The following DDX60L variants were observed in gnomAD, a reference collection of about 807,000 sequenced individuals.
DDX60L encodes DExD/H-box 60 like, also known as probable ATP-dependent RNA helicase DDX60-like.
In DDX60L, 191 loss-of-function variants were observed where a neutral mutation model predicts 211.6. That is an observed-to-expected ratio of 0.90 (90% CI 0.80 to 1.02). The LOEUF (loss-of-function observed/expected upper bound fraction) is 1.02. DDX60L is among the 50% of genes least tolerant of loss of function. The pLI, the probability that DDX60L is intolerant of heterozygous loss-of-function variation, is 0.00. For missense variants in DDX60L, 2,007 were observed against 1,984.1 expected, an observed-to-expected ratio of 1.01 and a Z score of -0.22; for synonymous variants, 706 against 694.1, an observed-to-expected ratio of 1.02 and a Z score of -0.27.
In DDX60L at chr4:168,400,939, C is replaced by A. The variant is rs369404080; in HGVS notation, c.3378G>T (p.Val1126=). 2 of 1,613,730 alleles carry A rather than the reference C, an allele frequency of 1.2e-6. No homozygotes were observed. The highest frequency in any genetic ancestry group is 1.7e-6 in the Non-Finnish European group (2 of 1,179,736). ...NDDVGKRAGS[V]CTFLEKTETK... Reference sequence around the variant, plus strand: ...TCTCTGTCTTCTCCAGAAAAGTGCACACACTTCCAGCTCTTTTTCCCACAT... The same window carrying A: ...TCTCTGTCTTCTCCAGAAAAGTGCAAACACTTCCAGCTCTTTTTCCCACAT... The change falls in exon 26 of 38, where the codon GTG becomes GTT. Residue 1126 remains valine, a synonymous_variant. Transcript: ENST00000682922.
At chr4:168,414,002 A>G (rs867434154) in intron 22 of DDX60L, among the ~76,000 whole-genome samples, 8 of 152,320 alleles carry the variant, frequency 5.3e-5, no homozygotes, top group Admixed American at 6.5e-5. Context: ...AAAGAAACAA[A>G]TAACACAATG....
intron 29 of DDX60L, among the ~76,000 whole-genome samples, chr4:168,390,694 A>G (rs1744652532): frequency 6.6e-6 from 1 of 151,990 alleles, no homozygotes; most frequent in Non-Finnish European, 1.5e-5. Flanking sequence ...TTTGACTTAC[A>G]ATATATATCA....
At position 168,432,506 on chromosome 4, in the gene DDX60L, C is replaced by T; in HGVS notation, c.1465G>A (p.Ala489Thr). 6.3e-7 allele frequency: 1 copy of T among 1,586,882 alleles called. No homozygotes were observed. Among genetic ancestry groups the T allele is most frequent in the Admixed American group, 1.7e-5 (1 of 57,738 alleles). ...KTSDELLHWH[A>T]QRLLSDDYDR... ...TAGTCGTCACTAAGGAGTCTTTGAG[C>T]ATGCCAGTGCAAAAGTTCATCAGAT... The change falls in exon 12 of 38, where the codon GCT becomes ACT. Residue 489 changes from alanine to threonine, a missense_variant. Transcript: ENST00000682922.
At chr4:168,458,427 G>A (rs1364023944) in intron 5 of DDX60L, among the ~76,000 whole-genome samples, 1 of 152,138 alleles carries the variant, frequency 6.6e-6, no homozygotes, top group Admixed American at 6.6e-5. Context: ...TCATAGATTG[G>A]ATAAAGAAAA....
intron 30 of DDX60L, among the ~76,000 whole-genome samples, chr4:168,382,906 C>A (rs948967118): frequency 6.6e-6 from 1 of 152,098 alleles, no homozygotes; most frequent in Admixed American, 6.6e-5. Flanking sequence ...AGACTACAAA[C>A]AATAATAGCT....
At chr4:168,375,677 T>C (rs558004252) in intron 33 of DDX60L, among the ~76,000 whole-genome samples, 153 bp from the exon 34 acceptor site, 81 of 152,334 alleles carry the variant, frequency 5.3e-4, no homozygotes, top group African/African-American at 1.7e-3. Context: ...AGGTAAAATT[T>C]CCTTTTGATT....
chr4:168,429,558 A>C (rs1356286346), intron 13 of DDX60L, among the ~76,000 whole-genome samples: 2 of 152,272 alleles, frequency 1.3e-5, no homozygotes, highest in Non-Finnish European at 2.9e-5. Flanking sequence ...ATTCTAAAAA[A>C]GATAGAATAC....
At chr4:168,384,898 TCCGGGA>T in intron 29 of DDX60L, 86 bp from the exon 30 acceptor site, 1 of 1,314,020 alleles carries the variant, frequency 7.6e-7, no homozygotes, top group Non-Finnish European at 1.1e-6. Flanking sequence ...ACACTTGTTA[TCCGGGA>T]TTGTGTTAAA....
chr4:168,420,613 TACACACACACAC>T (rs200084305), intron 17 of DDX60L, among the ~76,000 whole-genome samples: 1 of 112,204 alleles, frequency 8.9e-6, no homozygotes, highest in Non-Finnish European at 1.8e-5. Flanking sequence ...CACACACACA[TACACACACACAC>T]ACACACACAC....
chr4:168,369,667 T>C (rs1416502900), intron 36 of DDX60L, among the ~76,000 whole-genome samples: 1 of 150,354 alleles, frequency 6.7e-6, no homozygotes, highest in East Asian at 2.0e-4. Flanking sequence ...GGGAGAAAAA[T>C]ATCGACACAC....
At chr4:168,406,200 G>T in intron 23 of DDX60L, 122 bp from the exon 24 acceptor site, 1 of 894,212 alleles carries the variant, frequency 1.1e-6, no homozygotes, top group Non-Finnish European at 1.6e-6. Context: ...GAGGGCAGAG[G>T]CTGTTGAACA....
At chr4:168,429,207 C>A (rs898456592) in intron 13 of DDX60L, among the ~76,000 whole-genome samples, 1 of 152,006 alleles carries the variant, frequency 6.6e-6, no homozygotes, top group Middle Eastern at 3.2e-3. Flanking sequence ...TGCAGTGACA[C>A]GATCTTGGCT....
rs897179651 is a variant in DDX60L at position 168,415,648 on chromosome 4, T to A, written c.2869+9A>T. On this transcript the variant is annotated intron_variant, in intron 21 of 37. Transcript: ENST00000682922. ...AATATATAGTAAAACATAAAAAAAA[T>A]AAGCTTACCAAGTCTAACTTCATAT... The A allele has an allele frequency of 6.5e-7, 1 of 1,539,974 alleles. No individual in the cohort carries two copies. Among genetic ancestry groups the A allele is most frequent in the Admixed American group, 2.0e-5 (1 of 50,370 alleles).
intron 18 of DDX60L, 113 bp downstream of exon 18, chr4:168,420,148 A>G (rs896404009): frequency 1.1e-6 from 1 of 933,468 alleles, no homozygotes; most frequent in Non-Finnish European, 1.5e-6. Context: ...TTTCTTTGTG[A>G]ATTCAGTGAA....
intron 10 of DDX60L, 116 bp downstream of exon 10, chr4:168,441,221 A>T: frequency 9.9e-7 from 1 of 1,009,470 alleles, no homozygotes. Flanking sequence ...AGAGGTAAAC[A>T]AGAAAGCACA....
intron 37 of DDX60L, among the ~76,000 whole-genome samples, chr4:168,360,785 T>A (rs1738968362): frequency 6.6e-6 from 1 of 152,240 alleles, no homozygotes; most frequent in Admixed American, 6.5e-5. Flanking sequence ...AGAGACCTAC[T>A]GAAGTCATTT....
intron 35 of DDX60L, among the ~76,000 whole-genome samples, chr4:168,372,630 G>A (rs1301392444): frequency 6.6e-6 from 1 of 152,036 alleles, no homozygotes; most frequent in South Asian, 2.1e-4. Context: ...GGGAGACTGA[G>A]GTGGGAGGAT....
At chr4:168,439,599 C>G (rs554221425) in intron 10 of DDX60L, among the ~76,000 whole-genome samples, 1 of 152,284 alleles carries the variant, frequency 6.6e-6, no homozygotes, top group South Asian at 2.1e-4. Context: ...CCCAAATGGG[C>G]CTTTGACTCA....
Position 168,471,633 on chromosome 4 carries a change from C to A in DDX60L, c.264+114G>T, listed in dbSNP as rs542250263. The A allele has an allele frequency of 3.6e-6, 3 of 822,012 alleles. No homozygotes were observed. The African/African-American group carries it at 5.4e-5, about 15-fold the overall frequency. The allele number at this position is 822,012 out of a possible 1,614,324, so 50.9% of individuals were successfully genotyped here. On this transcript the variant is annotated intron_variant, in intron 4 of 37. Coordinates refer to ENST00000682922, the MANE Select transcript of DDX60L (RefSeq NM_001012967.3). ...GTAATTTTTTCTTTTGTTAACCTGT[C>A]TTTTTATATTTTCTATGATGACATG...
Sources: gnomAD v4.1 joint callset for allele counts (sites outside exome capture counted in the v4.1 genomes callset) on GRCh38, gnomAD v4.1.1 for gene constraint, MANE v1.5 for transcripts, NCBI Gene and HGNC (gene_info 2026-07-23, HGNC 2026-07-21) for gene names.